The following CHST8 variants were observed in gnomAD, a reference collection of about 807,000 sequenced individuals.
CHST8 encodes GALNAC-4-ST1.
CHST8 carries 10 observed loss-of-function variants against 15.0 expected under a neutral mutation model. The observed-to-expected ratio is 0.67, with a 90% confidence interval of 0.41 to 1.13. CHST8 has a LOEUF of 1.13. CHST8 is among the 50% of genes most tolerant of loss of function. The pLI is 0.00. For synonymous variants in CHST8, 259 were observed against 256.6 expected (o/e 1.01, Z -0.09); for missense variants, 634 against 608.2 (o/e 1.04, Z -0.45).
At chr19:33,738,163 CT>C (rs1974120455) in intron 3 of CHST8, among the ~76,000 whole-genome samples, 4 of 152,184 alleles carry the variant, frequency 2.6e-5, no homozygotes, top group African/African-American at 9.7e-5. Context: ...TTTGGGGGTT[CT>C]GTGACCCCCG....
At chr19:33,741,452 G>A (rs907648511) in intron 3 of CHST8, among the ~76,000 whole-genome samples, 1 of 152,208 alleles carries the variant, frequency 6.6e-6, no homozygotes, top group African/African-American at 2.4e-5. Flanking sequence ...CTTTTTGACA[G>A]GGATGGAAAA....
chr19:33,719,807 C>A (rs994598551), intron 3 of CHST8, among the ~76,000 whole-genome samples: 2 of 151,980 alleles, frequency 1.3e-5, no homozygotes, highest in African/African-American at 4.8e-5. Context: ...CCTGGCTTTA[C>A]ACTTGAGCAT....
chr19:33,716,637 G>T (rs1483912035), intron 3 of CHST8, among the ~76,000 whole-genome samples: 1 of 152,156 alleles, frequency 6.6e-6, no homozygotes, highest in Non-Finnish European at 1.5e-5. Context: ...CAAGGTGCTG[G>T]AATTACAGAT....
chr19:33,634,965 G>A (rs986484630), intron 1 of CHST8, among the ~76,000 whole-genome samples: 4 of 152,092 alleles, frequency 2.6e-5, no homozygotes, highest in East Asian at 1.9e-4. Context: ...AGCTGCAGCC[G>A]TGCCCCCAGC....
chr19:33,759,075 A>G (rs910537338), intron 3 of CHST8, among the ~76,000 whole-genome samples: 2 of 152,172 alleles, frequency 1.3e-5, no homozygotes, highest in African/African-American at 4.8e-5. Context: ...TTCATTCACT[A>G]TTACAGGGAT....
chr19:33,686,771 C>A (rs1026113172), intron 2 of CHST8, among the ~76,000 whole-genome samples: 1 of 152,226 alleles, frequency 6.6e-6, no homozygotes, highest in African/African-American at 2.4e-5. Flanking sequence ...CAGGGGCTCG[C>A]GACAGTTGCT....
Position 33,735,353 on chromosome 19 carries a change from G to A in CHST8, c.131-36060G>A, listed in dbSNP as rs532698603. On this transcript the variant is annotated intron_variant, in intron 3 of 4. Coordinates refer to ENST00000650847, the MANE Select transcript of CHST8 (RefSeq NM_001127895.2). ...AAACTCACAGATTGATGGGGAAGCC[G>A]TCAAATGCACCCCTGGCAGCAGGAG... is the stretch of plus-strand genomic sequence containing the variant. Among the ~76,000 whole-genome samples, 8 of 152,360 alleles carry A rather than the reference G, an allele frequency of 5.3e-5. No homozygotes were observed. In the South Asian group the frequency reaches 8.3e-4, roughly 16 times the overall value.
chr19:33,660,311 C>G (rs983759590), intron 1 of CHST8, among the ~76,000 whole-genome samples: 1 of 152,190 alleles, frequency 6.6e-6, no homozygotes, highest in Non-Finnish European at 1.5e-5. Flanking sequence ...TTAGCTCCAG[C>G]CTCACGCTTA....
At chr19:33,704,589 T>G (rs894907943) in intron 3 of CHST8, among the ~76,000 whole-genome samples, 2 of 152,134 alleles carry the variant, frequency 1.3e-5, no homozygotes, top group Non-Finnish European at 2.9e-5. Flanking sequence ...AGGTCATCCT[T>G]TTTGTTTTTG....
chr19:33,772,089 A>T lies in CHST8; in HGVS notation c.301A>T (p.Arg101Trp), dbSNP rs1974998206. The part of the protein sequence containing the change: ...APDQPQPPLQ[R>W]GTRLRLRQRR... ...TGACCAGCCTCAACCCCCGCTGCAG[A>T]GGGGAACCCGTCTGCGGCTCCGCCA... is the stretch of plus-strand genomic sequence containing the variant. The change falls in exon 5 of 5, where the codon AGG (arginine) becomes TGG (tryptophan). Residue 101 changes from arginine to tryptophan, a missense_variant. Transcript: ENST00000650847. The T allele has an allele frequency of 6.2e-7, 1 of 1,612,106 alleles. No homozygotes were observed. Among genetic ancestry groups the T allele is most frequent in the Admixed American group, 1.7e-5 (1 of 59,964 alleles).
chr19:33,727,728 A>G (rs1285079256), intron 3 of CHST8, among the ~76,000 whole-genome samples: 1 of 152,238 alleles, frequency 6.6e-6, no homozygotes, highest in African/African-American at 2.4e-5. Flanking sequence ...TTCAGCAGTA[A>G]TTACCGTGAC....
intron 3 of CHST8, among the ~76,000 whole-genome samples, chr19:33,755,468 A>G (rs1188093739): frequency 6.7e-6 from 1 of 148,666 alleles, no homozygotes; most frequent in African/African-American, 2.4e-5. Context: ...TGGGCTGAGC[A>G]GCAGTGAATC....
intron 3 of CHST8, among the ~76,000 whole-genome samples, chr19:33,765,550 T>TCA (rs1974819046): frequency 2.0e-5 from 2 of 100,324 alleles, no homozygotes; most frequent in Non-Finnish European, 4.2e-5. Context: ...TGTGTGTGTG[T>TCA]GTGTCAGAGA....
At chr19:33,741,383 G>T (rs1221184606) in intron 3 of CHST8, among the ~76,000 whole-genome samples, 3 of 152,180 alleles carry the variant, frequency 2.0e-5, no homozygotes, top group Non-Finnish European at 4.4e-5. Context: ...AATAACTTTG[G>T]AGAAAAATAT....
At chr19:33,719,973 C>T (rs750690856) in intron 3 of CHST8, among the ~76,000 whole-genome samples, 4 of 152,200 alleles carry the variant, frequency 2.6e-5, no homozygotes, top group East Asian at 3.9e-4. Context: ...CACACAAGGC[C>T]GTGGGGCTCC....
intron 3 of CHST8, among the ~76,000 whole-genome samples, chr19:33,752,530 A>T (rs1473863046): frequency 1.3e-5 from 2 of 152,180 alleles, no homozygotes; most frequent in African/African-American, 4.8e-5. Context: ...AACGATACTG[A>T]GGAGCATGGC....
chr19:33,710,996 A>G (rs1225257225), intron 3 of CHST8, among the ~76,000 whole-genome samples: 1 of 151,654 alleles, frequency 6.6e-6, no homozygotes, highest in Non-Finnish European at 1.5e-5. Context: ...TCAGCCCCCC[A>G]AGTAGCTGGA....
At chr19:33,703,295 G>T (rs1299877199) in intron 3 of CHST8, among the ~76,000 whole-genome samples, 2 of 152,202 alleles carry the variant, frequency 1.3e-5, no homozygotes, top group Non-Finnish European at 2.9e-5. Flanking sequence ...AGAAGGGCCC[G>T]GTGGGGTCCC....
intron 2 of CHST8, among the ~76,000 whole-genome samples, chr19:33,679,495 C>T (rs1313664099): frequency 6.6e-6 from 1 of 152,166 alleles, no homozygotes; most frequent in Admixed American, 6.5e-5. Flanking sequence ...TGTGAGTGTG[C>T]ACACGCATGC....
Sources: gnomAD v4.1 joint callset for allele counts (sites outside exome capture counted in the v4.1 genomes callset) on GRCh38, gnomAD v4.1.1 for gene constraint, MANE v1.5 for transcripts, NCBI Gene and HGNC (gene_info 2026-07-23, HGNC 2026-07-21) for gene names.